The following ASIC2 variants were observed in gnomAD, a reference collection of about 807,000 sequenced individuals.
The protein encoded by ASIC2 is acid sensing ion channel subunit 2.
In ASIC2, 25 loss-of-function variants were observed where a neutral mutation model predicts 57.3. That is an observed-to-expected ratio of 0.44 (90% CI 0.32 to 0.61). ASIC2 has a LOEUF of 0.61. Among genes scored for constraint, ASIC2 ranks in the 20% least tolerant of loss-of-function variants. The pLI is 0.06. For missense variants in ASIC2, 641 were observed against 738.1 expected (o/e 0.87, Z 1.52); for synonymous variants, 319 against 307.5 (o/e 1.04, Z -0.39).
intron 1 of ASIC2, among the ~76,000 whole-genome samples, chr17:33,459,015 C>T (rs1237505646): frequency 1.3e-5 from 2 of 151,910 alleles, no homozygotes; most frequent in Non-Finnish European, 2.9e-5. Flanking sequence ...ATATAGACAA[C>T]GGGGCTCTTC....
intron 3 of ASIC2, among the ~76,000 whole-genome samples, chr17:33,047,540 A>C (rs2091960348): frequency 6.6e-6 from 1 of 151,978 alleles, no homozygotes; most frequent in Admixed American, 6.5e-5. Context: ...GGGTCTCACT[A>C]TGTTGCTCAG....
At chr17:33,047,593 G>T (rs1302377337) in intron 3 of ASIC2, among the ~76,000 whole-genome samples, 1 of 152,140 alleles carries the variant, frequency 6.6e-6, no homozygotes, top group Non-Finnish European at 1.5e-5. Context: ...TCCCACCTCA[G>T]CCTCCCAAAG....
intron 1 of ASIC2, among the ~76,000 whole-genome samples, chr17:33,516,104 C>CCAAAACAAAACAAAA (rs111917283): frequency 4.1e-4 from 60 of 144,638 alleles, no homozygotes; most frequent in East Asian, 8.3e-4. Context: ...GATTCTGTCT[C>CCAAAACAAAACAAAA]CAAAACAAAA....
At chr17:33,619,336 C>T (rs1024181339) in intron 1 of ASIC2, among the ~76,000 whole-genome samples, 3 of 152,012 alleles carry the variant, frequency 2.0e-5, no homozygotes, top group African/African-American at 4.8e-5. Context: ...CTGTTAAGCT[C>T]CTAAAAATGA....
rs982359025 is a variant in ASIC2, at chr17:34,101,819, G to A, written c.555+54159C>T. 1.1e-4 allele frequency among the ~76,000 whole-genome samples: 16 copies of A among 152,004 alleles called. 1 individual carries two copies. The highest frequency in any genetic ancestry group is 7.9e-4 in the Admixed American group (12 of 15,256). On this transcript the variant is annotated intron_variant, in intron 1 of 9. Coordinates refer to the ASIC2 transcript ENST00000359872. The stretch of plus-strand genomic sequence containing the variant: ...CATTTTATTACGGAAAAATTCAAAC[G>A]TCTGCAAGTAAACAGAATAGTCTAA...
At chr17:33,240,745 C>T (rs948879871) in intron 1 of ASIC2, among the ~76,000 whole-genome samples, 1 of 152,098 alleles carries the variant, frequency 6.6e-6, no homozygotes, top group Non-Finnish European at 1.5e-5. Flanking sequence ...CTGCGGGGTC[C>T]GTGCCCTGCT....
chr17:33,317,829 A>T (rs2142212152), intron 1 of ASIC2, among the ~76,000 whole-genome samples: 1 of 152,046 alleles, frequency 6.6e-6, no homozygotes, highest in East Asian at 1.9e-4. Flanking sequence ...CACGGAGGAG[A>T]TGGAATTTCA....
At chr17:34,039,082 T>C in intron 1 of ASIC2, 15 of 1,614,126 alleles carry the variant, frequency 9.3e-6, no homozygotes, top group Non-Finnish European at 1.3e-5. Flanking sequence ...CACACATCTA[T>C]TTAATCGTTC....
chr17:33,558,985 C>G (rs1412185550), intron 1 of ASIC2, among the ~76,000 whole-genome samples: 2 of 152,116 alleles, frequency 1.3e-5, no homozygotes, highest in Non-Finnish European at 2.9e-5. Flanking sequence ...TCAGGCTGGT[C>G]TCAAACTCCT....
intron 1 of ASIC2, among the ~76,000 whole-genome samples, chr17:33,123,246 C>T (rs1011382186): frequency 9.2e-5 from 14 of 152,156 alleles, no homozygotes; most frequent in African/African-American, 3.1e-4. Flanking sequence ...AACCAGAGCA[C>T]CCATCAATGG....
intron 1 of ASIC2, among the ~76,000 whole-genome samples, chr17:33,289,848 A>G (rs61062417): frequency 0.022 from 3,308 of 152,272 alleles, 118 homozygotes; most frequent in African/African-American, 0.076. Flanking sequence ...GCCTGTTGCT[A>G]CTTGGATGTA....
At chr17:33,025,570 T>A (rs1181824210) in intron 5 of ASIC2, among the ~76,000 whole-genome samples, 1 of 152,112 alleles carries the variant, frequency 6.6e-6, no homozygotes, top group Non-Finnish European at 1.5e-5. Flanking sequence ...GATGCCTACC[T>A]GGCTGCCCAC....
rs567539072 is a variant in ASIC2 at position 34,027,055 on chromosome 17, T to C, written c.555+128923A>G. Among the ~76,000 whole-genome samples the C allele has an allele frequency of 1.1e-3, 173 of 152,206 alleles. 1 individual carries two copies. Among genetic ancestry groups the C allele is most frequent in the African/African-American group, 3.9e-3 (163 of 41,526 alleles). ...CTGTTTAAAGAGAAAACAAAAACAC[T>C]CCAATGAAATATTAGTAAGAATTCT... is the stretch of plus-strand genomic sequence containing the variant. On this transcript the variant is annotated intron_variant, in intron 1 of 9. Coordinates refer to the ASIC2 transcript ENST00000359872.
chr17:33,824,238 C>A (rs1288307239), intron 1 of ASIC2, among the ~76,000 whole-genome samples: 1 of 152,056 alleles, frequency 6.6e-6, no homozygotes, highest in Non-Finnish European at 1.5e-5. Context: ...AGATTGGAAG[C>A]ACTTATTAAG....
intron 1 of ASIC2, among the ~76,000 whole-genome samples, chr17:33,562,682 TTGGGGGCTTCCTACAGGAA>T (rs1256441135): frequency 6.6e-6 from 1 of 152,130 alleles, no homozygotes; most frequent in African/African-American, 2.4e-5. Context: ...TGTGATAGGC[TTGGGGGCTTCCTACAGGAA>T]TGGGACTCTA....
rs147647365 is a variant in ASIC2 at position 33,667,733 on chromosome 17, C to A, written c.555+488245G>T. ...CAGTCCTACAGATTAGAAGAACTAA[C>A]CTTCTTCTTACTCAGCTGAAAGCAA... On this transcript the variant is annotated intron_variant, in intron 1 of 9. Transcript: ENST00000359872. Among the ~76,000 whole-genome samples the A allele has an allele frequency of 8.7e-4, 132 of 152,304 alleles. 1 individual carries two copies. The East Asian group carries it at 0.014, about 16-fold the overall frequency.
chr17:33,466,925 T>C (rs1912885389), intron 1 of ASIC2, among the ~76,000 whole-genome samples: 1 of 152,136 alleles, frequency 6.6e-6, no homozygotes, highest in Non-Finnish European at 1.5e-5. Context: ...ATTCAAGACA[T>C]AGGCATGGGC....
chr17:33,535,008 GGTAA>G (rs1303540867), intron 1 of ASIC2, among the ~76,000 whole-genome samples: 7 of 152,256 alleles, frequency 4.6e-5, no homozygotes, highest in African/African-American at 1.7e-4. Flanking sequence ...AATCCTGTGG[GGTAA>G]GTATTAGGAT....
intron 1 of ASIC2, among the ~76,000 whole-genome samples, chr17:33,254,817 T>A (rs1178032551): frequency 9.2e-5 from 14 of 152,116 alleles, no homozygotes; most frequent in Admixed American, 9.2e-4. Flanking sequence ...ATGCTAAATA[T>A]CCTCATTTTT....
Sources: allele counts gnomAD v4.1 joint callset (sites outside exome capture counted in the v4.1 genomes callset), GRCh38; gene constraint gnomAD v4.1.1; transcripts MANE v1.5; gene names NCBI Gene and HGNC (gene_info 2026-07-23, HGNC 2026-07-21).